Variants in MYH11 observed in about 807,000 individuals in gnomAD.
The protein encoded by MYH11 is myosin-11.
In MYH11, 80 loss-of-function variants were observed where a neutral mutation model predicts 246.6. The observed-to-expected ratio is 0.32, with a 90% confidence interval of 0.27 to 0.39. The LOEUF (loss-of-function observed/expected upper bound fraction) is 0.39. MYH11 is among the 10% of genes least tolerant of loss of function. MYH11 has a pLI of 1.00. For missense variants in MYH11, 2,158 were observed against 2,546.8 expected (o/e 0.85, Z 3.29); for synonymous variants, 1,071 against 1,015.5 (o/e 1.05, Z -1.04).
At chr16:15,756,566 T>C (rs1216058822) in intron 13 of MYH11, 52 bp from the exon 14 acceptor site, 1 of 1,600,518 alleles carries the variant, frequency 6.2e-7, no homozygotes, top group Non-Finnish European at 8.6e-7. Context: ...ACCTCAGGCA[T>C]TCCATGAAGA....
chr16:15,829,301 C>A (rs1228760285), intron 2 of MYH11, among the ~76,000 whole-genome samples: 1 of 152,178 alleles, frequency 6.6e-6, no homozygotes, highest in African/African-American at 2.4e-5. Context: ...TTGTTTGGGA[C>A]ATCTCTCCCA....
chr16:15,832,943 CTTTTTTTTTTTTTTTTTTTTTTTT>C (rs780380104), intron 2 of MYH11, among the ~76,000 whole-genome samples: 1 of 55,340 alleles, frequency 1.8e-5, no homozygotes, highest in Non-Finnish European at 3.2e-5. Context: ...GCAACCTCAT[CTTTTTTTTTTTTTTTTTTTTTTTT>C]TTTTTTTTTT....
At position 15,798,653 on chromosome 16, in the gene MYH11, C is replaced by T. The variant is rs1040482542; in HGVS notation, c.530+7G>A. The T allele has an allele frequency of 1.3e-6, 2 of 1,589,860 alleles. No individual in the cohort carries two copies. Among genetic ancestry groups the T allele is most frequent in the Non-Finnish European group, 1.7e-6 (2 of 1,171,440 alleles). Reference sequence around the variant, plus strand: ...AAAAAAACAGAAGAAAAAGCAGTTCCACTTACGTGCATAGAATGGACTGGT... The same window carrying T: ...AAAAAAACAGAAGAAAAAGCAGTTCTACTTACGTGCATAGAATGGACTGGT... On this transcript the variant is annotated splice_region_variant and intron_variant, in intron 4 of 40. Coordinates refer to ENST00000300036, the MANE Select transcript of MYH11 (RefSeq NM_002474.3).
At chr16:15,768,022 C>G (rs772261326) in intron 9 of MYH11, among the ~76,000 whole-genome samples, 1 of 152,044 alleles carries the variant, frequency 6.6e-6, no homozygotes, top group Non-Finnish European at 1.5e-5. Flanking sequence ...AAACGATCCT[C>G]TTGCCTTGGC....
intron 3 of MYH11, among the ~76,000 whole-genome samples, chr16:15,801,692 C>A (rs1002659120): frequency 1.3e-5 from 2 of 151,480 alleles, no homozygotes; most frequent in Non-Finnish European, 2.9e-5. Context: ...TGCGGTGGCT[C>A]ACACTTGTAA....
chr16:15,779,373 C>G (rs1237478721), intron 6 of MYH11: 1 of 195,852 alleles, frequency 5.1e-6, no homozygotes, highest in Non-Finnish European at 1.1e-5. Context: ...GACTGCTGCA[C>G]TCAAGCAATC....
At chr16:15,745,582 C>CTTT (rs71981525) in intron 19 of MYH11, among the ~76,000 whole-genome samples, 98 of 94,198 alleles carry the variant, frequency 1.0e-3, no homozygotes, top group African/African-American at 1.8e-3. Context: ...TTCTTTCTTT[C>CTTT]TTTTTTTTTT....
intron 1 of MYH11, among the ~76,000 whole-genome samples, chr16:15,850,119 T>C (rs1240033175): frequency 3.3e-5 from 5 of 152,238 alleles, no homozygotes; most frequent in African/African-American, 4.8e-5. Context: ...GCATGGTGGC[T>C]GATGCCTGTA....
At chr16:15,744,938 G>A (rs528656144) in intron 20 of MYH11, among the ~76,000 whole-genome samples, 191 bp downstream of exon 20, 1 of 152,344 alleles carries the variant, frequency 6.6e-6, no homozygotes, top group East Asian at 1.9e-4. Context: ...TTGTGTTAAG[G>A]TCCTGGCTAT....
intron 12 of MYH11, among the ~76,000 whole-genome samples, chr16:15,759,221 A>G (rs2041809107): frequency 7.6e-6 from 1 of 132,342 alleles, no homozygotes; most frequent in Non-Finnish European, 1.6e-5. Context: ...TTTTTTTACC[A>G]GGATTACTGA....
At chr16:15,798,542 T>G (rs1356914116) in intron 4 of MYH11, 118 bp downstream of exon 4, 3 of 1,071,542 alleles carry the variant, frequency 2.8e-6, no homozygotes, top group African/African-American at 3.7e-5. Flanking sequence ...CTTGGAACCA[T>G]GAACAAATCA....
chr16:15,795,225 G>A lies in MYH11; in HGVS notation c.530+3435C>T, dbSNP rs1414757546. Among the ~76,000 whole-genome samples the A allele has an allele frequency of 3.3e-5, 5 of 152,116 alleles. No homozygotes were observed. In the South Asian group the frequency reaches 6.2e-4, roughly 19 times the overall value. The stretch of plus-strand genomic sequence containing the variant: ...GGAGAATTGCTTGAACCCAGGAGGC[G>A]GGGGTTGCAGTGAGCCAAGATCGCA... On this transcript the variant is annotated intron_variant, in intron 4 of 40. Coordinates refer to ENST00000300036, the MANE Select transcript of MYH11 (RefSeq NM_002474.3).
intron 1 of MYH11, among the ~76,000 whole-genome samples, chr16:15,846,710 G>A (rs965979009): frequency 6.6e-6 from 1 of 152,316 alleles, no homozygotes; most frequent in African/African-American, 2.4e-5. Context: ...AATTACCTGT[G>A]TGGAAGACTG....
At chr16:15,785,900 G>T (rs2042457085) in intron 5 of MYH11, 1 of 161,790 alleles carries the variant, frequency 6.2e-6, no homozygotes, top group Non-Finnish European at 1.4e-5. Context: ...TCTTCCACAG[G>T]TCTGGAAGCT....
intron 32 of MYH11, 146 bp from the exon 33 acceptor site, chr16:15,721,197 G>A: frequency 1.0e-6 from 1 of 993,226 alleles, no homozygotes; most frequent in Non-Finnish European, 1.5e-6. Context: ...GATGACCCCT[G>A]AGAGTTCAGA....
intron 3 of MYH11, among the ~76,000 whole-genome samples, chr16:15,801,637 G>A (rs933184183): frequency 6.6e-6 from 1 of 152,040 alleles, no homozygotes; most frequent in African/African-American, 2.4e-5. Flanking sequence ...CTCCAGCCTG[G>A]GCAATGGAGT....
chr16:15,851,160 A>G (rs2044319040), intron 1 of MYH11, among the ~76,000 whole-genome samples: 1 of 152,168 alleles, frequency 6.6e-6, no homozygotes, highest in Middle Eastern at 3.2e-3. Flanking sequence ...GGACCTCTGC[A>G]GTGGAAATCC....
chr16:15,758,087 G>A lies in MYH11; in HGVS notation c.1402-87C>T, dbSNP rs191552398. 32 of 1,579,462 alleles carry A rather than the reference G, an allele frequency of 2.0e-5. 1 individual carries two copies. The highest frequency in any genetic ancestry group is 9.0e-5 in the East Asian group (4 of 44,674). On this transcript the variant is annotated intron_variant, in intron 12 of 40. Transcript: ENST00000300036. ...CCCCACAGAAGCTCCACCCGACAGC[G>A]CCCCCATGGCCCGCCCACATCCTGT...
chr16:15,830,341 A>G (rs1308046512), intron 2 of MYH11, among the ~76,000 whole-genome samples: 1 of 152,216 alleles, frequency 6.6e-6, no homozygotes, highest in Non-Finnish European at 1.5e-5. Context: ...CTTTTGCTGC[A>G]GCCTTGCTTT....
Sources: gnomAD v4.1 joint callset for allele counts (sites outside exome capture counted in the v4.1 genomes callset) on GRCh38, gnomAD v4.1.1 for gene constraint, MANE v1.5 for transcripts, NCBI Gene and HGNC (gene_info 2026-07-23, HGNC 2026-07-21) for gene names.